Variants in CLEC16A observed in about 807,000 individuals in gnomAD.
CLEC16A encodes C-type lectin domain containing 16A.
Under a neutral mutation model 109.5 loss-of-function variants are expected in CLEC16A, and 51 were observed. The observed-to-expected ratio is 0.47, with a 90% CI of 0.37 to 0.59. The LOEUF is 0.59. Among genes scored for constraint, CLEC16A ranks in the 20% least tolerant of loss-of-function variants. The pLI, the probability that CLEC16A is intolerant of heterozygous loss-of-function variation, is 0.00. For missense variants in CLEC16A, 1,339 were observed against 1,394.0 expected (o/e 0.96, Z 0.63); for synonymous variants, 673 against 564.2 (o/e 1.19, Z -2.73).
At chr16:11,026,243 T>C (rs1263657819) in intron 13 of CLEC16A, among the ~76,000 whole-genome samples, 1 of 152,232 alleles carries the variant, frequency 6.6e-6, no homozygotes, top group Non-Finnish European at 1.5e-5. Context: ...TTTGTAGTAT[T>C]ATTTCTTCCA....
rs145116744 is a variant in CLEC16A, at chr16:11,138,671, C to A, written c.2641+12525C>A. 5.6e-3 allele frequency among the ~76,000 whole-genome samples: 850 copies of A among 152,324 alleles called. 13 individuals are homozygous for A. The highest frequency in any genetic ancestry group is 0.019 in the African/African-American group (805 of 41,570). ...TCTGGCCATTTGCCACTTACTTGTACTATAGGATTATATTGCTTGTTTCAA... is the reference window on the plus strand; with the variant it reads ...TCTGGCCATTTGCCACTTACTTGTAATATAGGATTATATTGCTTGTTTCAA... On this transcript the variant is annotated intron_variant, in intron 22 of 23. Coordinates refer to ENST00000409790, the MANE Select transcript of CLEC16A (RefSeq NM_015226.3).
At chr16:11,020,439 G>C in intron 12 of CLEC16A, 114 bp downstream of exon 12, 1 of 1,311,776 alleles carries the variant, frequency 7.6e-7, no homozygotes, top group Non-Finnish European at 1.0e-6. Context: ...CGACCATGCT[G>C]CCTCCCTTTC....
chr16:11,043,292 C>A (rs959707413), intron 15 of CLEC16A, among the ~76,000 whole-genome samples: 1 of 152,134 alleles, frequency 6.6e-6, no homozygotes, highest in African/African-American at 2.4e-5. Context: ...TGCCTGTAAC[C>A]CCAGCTACTC....
At chr16:11,074,897 G>T (rs901843372) in intron 19 of CLEC16A, among the ~76,000 whole-genome samples, 2 of 152,162 alleles carry the variant, frequency 1.3e-5, no homozygotes, top group Admixed American at 1.3e-4. Flanking sequence ...TTTAAGCCAG[G>T]CACAGTGGAT....
At position 10,973,047 on chromosome 16, in the gene CLEC16A, G is replaced by A; in HGVS notation, c.714G>A (p.Val238=). ...GSHVIELDDC[V]QTDEEHRNRG... The stretch of plus-strand genomic sequence containing the variant: ...ATGTGATCGAACTCGATGACTGCGT[G>A]CAGACTGATGAGGAGTAAGTGACAC... Residue 238 remains valine, a synonymous_variant, in exon 7 of 24, where the codon GTG becomes GTA. Coordinates refer to ENST00000409790, the MANE Select transcript of CLEC16A (RefSeq NM_015226.3). The A allele has an allele frequency of 6.2e-7, 1 of 1,606,166 alleles. No homozygotes were observed. The highest frequency in any genetic ancestry group is 2.2e-5 in the East Asian group (1 of 44,760).
intron 11 of CLEC16A, among the ~76,000 whole-genome samples, chr16:11,012,765 C>T (rs539455436): frequency 6.6e-6 from 1 of 152,260 alleles, no homozygotes; most frequent in South Asian, 2.1e-4. Flanking sequence ...CTCCTTCCTG[C>T]ACGAGGTTCA....
intron 1 of CLEC16A, among the ~76,000 whole-genome samples, chr16:10,953,613 T>C: frequency 6.6e-6 from 1 of 152,244 alleles, no homozygotes; most frequent in Middle Eastern, 3.4e-3. Flanking sequence ...TTTGCAATAT[T>C]TATCTCCAGT....
At chr16:10,972,810 T>C in intron 6 of CLEC16A, 128 bp from the exon 7 acceptor site, 5 of 1,022,278 alleles carry the variant, frequency 4.9e-6, no homozygotes, top group Non-Finnish European at 7.0e-6. Context: ...AGACAGACAA[T>C]TTCAGATTAT....
intron 1 of CLEC16A, among the ~76,000 whole-genome samples, chr16:10,947,008 G>A (rs773715617): frequency 2.2e-4 from 33 of 152,230 alleles, no homozygotes; most frequent in Admixed American, 2.0e-3. Flanking sequence ...CGCCAATGGG[G>A]CATCTTTGCC....
At position 11,060,949 on chromosome 16, in the gene CLEC16A, A is replaced by C; in HGVS notation, c.2043A>C (p.Arg681=). ...TGCGTTCCCTGTCACTGCAATTGCG[A>C]GGGGAGCCTGAGACACAGTTGCCGC... ...FMLRSLSLQL[R]GEPETQLPLT... Residue 681 remains arginine (R), a synonymous_variant, in exon 19 of 24, where the codon CGA becomes CGC. Transcript: ENST00000409790. 1 of 1,612,654 alleles carries C rather than the reference A, an allele frequency of 6.2e-7. No homozygotes were observed. Among genetic ancestry groups the C allele is most frequent in the Non-Finnish European group, 8.5e-7 (1 of 1,179,494 alleles).
chr16:11,087,443 A>T (rs1253741864), intron 19 of CLEC16A, among the ~76,000 whole-genome samples: 1 of 152,244 alleles, frequency 6.6e-6, no homozygotes, highest in African/African-American at 2.4e-5. Context: ...GCAGTATTGT[A>T]ATTTTAAATT....
Position 10,944,686 on chromosome 16 carries a change from C to T in CLEC16A, c.-32C>T. The T allele has an allele frequency of 1.3e-6, 2 of 1,583,860 alleles. No individual in the cohort carries two copies. The highest frequency in any genetic ancestry group is 1.7e-6 in the Non-Finnish European group (2 of 1,163,230). On this transcript the variant is annotated 5_prime_UTR_variant, in exon 1 of 24. Transcript: ENST00000409790. ...CCGCTCTGCTGGTCCGGCATGAGAC[C>T]GTGAGACGAGAGACGGGTCGGGGCC...
chr16:11,034,155 C>T (rs371300052), intron 13 of CLEC16A, among the ~76,000 whole-genome samples: 3 of 152,276 alleles, frequency 2.0e-5, no homozygotes, highest in Non-Finnish European at 4.4e-5. Flanking sequence ...TTTTGCCATG[C>T]GGAGAACTTG....
At chr16:11,109,110 A>C (rs2051404834) in intron 19 of CLEC16A, among the ~76,000 whole-genome samples, 1 of 39,410 alleles carries the variant, frequency 2.5e-5, no homozygotes, top group African/African-American at 3.7e-4. Flanking sequence ...GACTGTCTCA[A>C]AAAAAAAAAA....
chr16:11,077,141 T>C (rs2049420149), intron 19 of CLEC16A, among the ~76,000 whole-genome samples: 1 of 148,920 alleles, frequency 6.7e-6, no homozygotes, highest in African/African-American at 2.5e-5. Context: ...GCCTAGGAGT[T>C]CAAGACCAGC....
chr16:11,026,498 G>GT (rs1305626817), intron 13 of CLEC16A, among the ~76,000 whole-genome samples: 4 of 152,008 alleles, frequency 2.6e-5, no homozygotes, highest in Non-Finnish European at 5.9e-5. Context: ...CTGTAGTGAT[G>GT]TTCCCTCTCT....
At chr16:10,991,091 A>G (rs1046003328) in intron 10 of CLEC16A, among the ~76,000 whole-genome samples, 17 of 152,284 alleles carry the variant, frequency 1.1e-4, no homozygotes, top group African/African-American at 3.4e-4. Context: ...GGTCTCATGC[A>G]GAGAGACAGA....
Position 11,123,936 on chromosome 16 carries a change from G to A in CLEC16A, c.2463G>A (p.Gln821=). Residue 821 remains glutamine (Q), a synonymous_variant, in exon 21 of 24, where the codon CAG becomes CAA. Transcript: ENST00000409790. ...GRIQARRMKM[Q]RIAALLDLPI... ...TCCAGGCAAGGCGCATGAAGATGCA[G>A]AGAATAGCTGGTGAGTGGCTGGACC... 1 of 1,607,868 alleles carries A rather than the reference G, an allele frequency of 6.2e-7. No homozygotes were observed. Among genetic ancestry groups the A allele is most frequent in the South Asian group, 1.1e-5 (1 of 89,870 alleles).
chr16:10,962,625 GT>G (rs1263060974), intron 3 of CLEC16A, 37 bp downstream of exon 3: 3 of 1,606,686 alleles, frequency 1.9e-6, no homozygotes, highest in African/African-American at 2.7e-5. Flanking sequence ...CTGTGCTGCT[GT>G]GCATGTAGCA....
Sources: gnomAD v4.1 joint callset for allele counts (sites outside exome capture counted in the v4.1 genomes callset) on GRCh38, gnomAD v4.1.1 for gene constraint, MANE v1.5 for transcripts, NCBI Gene and HGNC (gene_info 2026-07-23, HGNC 2026-07-21) for gene names.